KCNT2: variants seen among roughly 807,000 people sequenced by gnomAD.
KCNT2 encodes potassium channel subfamily T member 2.
Under a neutral mutation model 153.8 loss-of-function variants are expected in KCNT2, and 67 were observed. The observed-to-expected ratio is 0.44, with a 90% CI of 0.36 to 0.53. KCNT2 has a LOEUF of 0.53. Ranked by LOEUF, KCNT2 falls within the 20% of genes least tolerant of loss-of-function variation. The pLI is 0.00. For missense variants in KCNT2, 975 were observed against 1,354.8 expected, an observed-to-expected ratio of 0.72 and a Z score of 4.40; for synonymous variants, 500 against 458.8, an observed-to-expected ratio of 1.09 and a Z score of -1.15.
At chr1:196,476,380 TTTTTA>T (rs1305661590) in intron 5 of KCNT2, among the ~76,000 whole-genome samples, 2 of 152,170 alleles carry the variant, frequency 1.3e-5, no homozygotes, top group Non-Finnish European at 2.9e-5. Context: ...TTTATTTGAT[TTTTTA>T]TTTTGTTTTA....
intron 14 of KCNT2, 154 bp from the exon 15 acceptor site, chr1:196,342,382 T>C: frequency 2.4e-6 from 1 of 411,358 alleles, no homozygotes; most frequent in Non-Finnish European, 4.1e-6. Flanking sequence ...AGTCTGAAGA[T>C]GACATTATAT....
chr1:196,373,231 C>A lies in KCNT2; in HGVS notation c.1312G>T (p.Glu438Ter), dbSNP rs1442741716. ...IKFADHVVCE[E>*]EFKYAMLALN... ...GCTAACATGGCGTATTTAAACTCTT[C>A]TTCACAAACAACATGATCTGTTTGA... Residue 438 changes from glutamate to a stop codon, truncating the protein, a stop_gained, in exon 14 of 28, where the codon GAA (glutamate) becomes TAA (stop). Transcript: ENST00000294725. LOFTEE classifies it high-confidence loss of function. The A allele has an allele frequency of 6.6e-7, 1 of 1,511,284 alleles. No homozygotes were observed. The highest frequency in any genetic ancestry group is 1.1e-5 in the South Asian group (1 of 88,418). The allele number at this position is 1,511,284 out of a possible 1,614,324, so 93.6% of individuals were successfully genotyped here.
At chr1:196,419,423 A>T (rs1673017793) in intron 12 of KCNT2, among the ~76,000 whole-genome samples, 2 of 146,658 alleles carry the variant, frequency 1.4e-5, no homozygotes, top group Non-Finnish European at 1.5e-5. Context: ...TATGAGTAAG[A>T]ACATGCGGTG....
rs564467512 is a variant in KCNT2 at position 196,501,846 on chromosome 1, C to T, written c.96-9505G>A. Among the ~76,000 whole-genome samples, 21 of 152,282 alleles carry T rather than the reference C, an allele frequency of 1.4e-4. 2 individuals carry two copies. The highest frequency in any genetic ancestry group is 4.3e-4 in the African/African-American group (18 of 41,578). ...TAAAAAGGTAGTTTTGGGCCGGGAG[C>T]GATGGCTCATGCTTGTAATCCCAGC... is the stretch of plus-strand genomic sequence containing the variant. On this transcript the variant is annotated intron_variant, in intron 1 of 27. Coordinates refer to ENST00000294725, the MANE Select transcript of KCNT2 (RefSeq NM_198503.5).
chr1:196,355,762 T>C (rs929602725), intron 14 of KCNT2, among the ~76,000 whole-genome samples: 3 of 151,808 alleles, frequency 2.0e-5, no homozygotes, highest in African/African-American at 4.8e-5. Flanking sequence ...AATTCACTTG[T>C]AATACTGGAG....
At chr1:196,285,093 A>G (rs1166080338) in intron 23 of KCNT2, among the ~76,000 whole-genome samples, 2 of 152,156 alleles carry the variant, frequency 1.3e-5, no homozygotes, top group Non-Finnish European at 2.9e-5. Context: ...GTGAACAAAC[A>G]CCTCCACAAA....
intron 13 of KCNT2, among the ~76,000 whole-genome samples, chr1:196,374,881 C>T (rs1668825284): frequency 6.6e-6 from 1 of 151,650 alleles, no homozygotes; most frequent in Non-Finnish European, 1.5e-5. Flanking sequence ...ACATTTATTA[C>T]CACATAGAAT....
intron 8 of KCNT2, among the ~76,000 whole-genome samples, chr1:196,446,725 A>G (rs1181169517): frequency 6.6e-6 from 1 of 151,596 alleles, no homozygotes; most frequent in Non-Finnish European, 1.5e-5. Context: ...CTAAGTCCAC[A>G]TTTAAAACCT....
chr1:196,518,388 G>A (rs1214345039), intron 1 of KCNT2, among the ~76,000 whole-genome samples: 1 of 150,834 alleles, frequency 6.6e-6, no homozygotes, highest in Non-Finnish European at 1.5e-5. Flanking sequence ...AAACACATGA[G>A]AGGATCAAAT....
intron 8 of KCNT2, among the ~76,000 whole-genome samples, chr1:196,430,842 T>C (rs1674090345): frequency 6.6e-6 from 1 of 152,092 alleles, no homozygotes; most frequent in South Asian, 2.1e-4. Context: ...TTTGCAATGT[T>C]GGAGGAAGAT....
chr1:196,404,202 C>T lies in KCNT2; in HGVS notation c.1186-5531G>A, dbSNP rs1019129362. On this transcript the variant is annotated intron_variant, in intron 12 of 27. Coordinates refer to ENST00000294725, the MANE Select transcript of KCNT2 (RefSeq NM_198503.5). ...GACTGCTCTAATAGCTTCCACTTTTCTCCAGCACCAGTGCCACAGCCTAAT... is the reference window on the plus strand; with the variant it reads ...GACTGCTCTAATAGCTTCCACTTTTTTCCAGCACCAGTGCCACAGCCTAAT... The T allele has an allele frequency of 6.8e-6, 6 of 882,818 alleles. No individual in the cohort carries two copies. In the African/African-American group the frequency reaches 9.1e-5, roughly 13 times the overall value. The allele number at this position is 882,818 out of a possible 1,614,324, so 54.7% of individuals were successfully genotyped here.
chr1:196,518,117 C>T (rs962622328), intron 1 of KCNT2, among the ~76,000 whole-genome samples: 10 of 152,088 alleles, frequency 6.6e-5, no homozygotes, highest in Non-Finnish European at 1.0e-4. Flanking sequence ...ATTCAACATT[C>T]TTAAAGAAAT....
intron 25 of KCNT2, among the ~76,000 whole-genome samples, chr1:196,278,284 G>A (rs983543855): frequency 3.3e-5 from 5 of 152,060 alleles, no homozygotes; most frequent in African/African-American, 9.7e-5. Context: ...AAAATATTTT[G>A]TTGTAAAAAG....
intron 21 of KCNT2, among the ~76,000 whole-genome samples, chr1:196,307,707 A>T (rs951450673): frequency 3.4e-4 from 51 of 152,128 alleles, no homozygotes; most frequent in African/African-American, 1.2e-3. Flanking sequence ...CATATTTCAC[A>T]TGATTTTCTT....
At chr1:196,441,651 T>C (rs1466557904) in intron 8 of KCNT2, among the ~76,000 whole-genome samples, 1 of 151,716 alleles carries the variant, frequency 6.6e-6, no homozygotes, top group Non-Finnish European at 1.5e-5. Flanking sequence ...TCATCATTAA[T>C]GATTTAAAAA....
chr1:196,578,342 C>CTTTCCCTT (rs1661618241), intron 1 of KCNT2, among the ~76,000 whole-genome samples: 2 of 152,138 alleles, frequency 1.3e-5, no homozygotes, highest in Non-Finnish European at 2.9e-5. Flanking sequence ...AAAGACAAGT[C>CTTTCCCTT]ACTCAGGGAA....
chr1:196,585,839 A>G (rs1662612742), intron 1 of KCNT2, among the ~76,000 whole-genome samples: 1 of 152,174 alleles, frequency 6.6e-6, no homozygotes, highest in South Asian at 2.1e-4. Flanking sequence ...AGATACACTC[A>G]TACTTTCAAG....
intron 13 of KCNT2, among the ~76,000 whole-genome samples, chr1:196,375,501 T>C (rs1382685477): frequency 6.6e-6 from 1 of 151,824 alleles, no homozygotes; most frequent in East Asian, 1.9e-4. Context: ...TAATATATGA[T>C]ATGTATCAGT....
intron 1 of KCNT2, among the ~76,000 whole-genome samples, chr1:196,558,804 C>T (rs1644972921): frequency 6.6e-6 from 1 of 151,316 alleles, no homozygotes. Context: ...CTGAAAAATA[C>T]ACATTAAATC....
Sources: gnomAD v4.1 joint callset for allele counts (sites outside exome capture counted in the v4.1 genomes callset) on GRCh38, gnomAD v4.1.1 for gene constraint, MANE v1.5 for transcripts, NCBI Gene and HGNC (gene_info 2026-07-23, HGNC 2026-07-21) for gene names.